Variants in EXOSC7 observed in about 807,000 individuals in gnomAD.
EXOSC7 encodes exosome component 7.
Under a neutral mutation model 34.3 loss-of-function variants are expected in EXOSC7, and 25 were observed. The observed-to-expected ratio is 0.73, with a 90% CI of 0.53 to 1.02. The LOEUF is 1.02. Among genes scored for constraint, EXOSC7 ranks in the 50% least tolerant of loss-of-function variants. The probability of loss-of-function intolerance (pLI) is 0.00; values close to 1 mark genes in which losing one functional copy is unlikely to be tolerated. For missense variants in EXOSC7, 370 were observed against 368.5 expected (o/e 1.00, Z -0.03); for synonymous variants, 130 against 143.0 (o/e 0.91, Z 0.65).
chr3:44,992,583 T>C (rs540273280), intron 3 of EXOSC7, among the ~76,000 whole-genome samples: 1 of 152,328 alleles, frequency 6.6e-6, no homozygotes, highest in Admixed American at 6.5e-5. Flanking sequence ...GTTCCAGAGA[T>C]GCCTGGCAGC....
chr3:44,976,317 A>C lies in EXOSC7; in HGVS notation c.40A>C (p.Ile14Leu), dbSNP rs778897360. 1.3e-6 allele frequency: 2 copies of C among 1,570,304 alleles called. No individual in the cohort carries two copies. The highest frequency in any genetic ancestry group is 8.6e-7 in the Non-Finnish European group (1 of 1,164,206). Residue 14 changes from isoleucine (I) to leucine (L), a missense_variant, in exon 1 of 8, where the codon ATC becomes CTC. Physicochemically the swap from Ile to Leu is conservative, Grantham distance 5. Coordinates refer to ENST00000265564, the MANE Select transcript of EXOSC7 (RefSeq NM_015004.4). ...GCTGAGCGAGGCGGAGAAGGTGTACATCGTGCATGGCGTCCAGGTAGCTAC... is the reference window on the plus strand; with the variant it reads ...GCTGAGCGAGGCGGAGAAGGTGTACCTCGTGCATGGCGTCCAGGTAGCTAC... ...VTLSEAEKVY[I>L]VHGVQEDLRV...
intron 3 of EXOSC7, among the ~76,000 whole-genome samples, chr3:44,990,329 G>T (rs552958225): frequency 4.6e-5 from 7 of 152,312 alleles, no homozygotes; most frequent in African/African-American, 1.4e-4. Flanking sequence ...ACTTCCAGTG[G>T]GCTTTCAATA....
At chr3:45,009,659 C>T (rs1209249018) in intron 7 of EXOSC7, among the ~76,000 whole-genome samples, 1 of 152,044 alleles carries the variant, frequency 6.6e-6, no homozygotes, top group East Asian at 1.9e-4. Context: ...AGTGATTCTG[C>T]CTCAGCTTCC....
chr3:44,997,335 C>G, intron 4 of EXOSC7, 83 bp downstream of exon 4: 2 of 1,326,722 alleles, frequency 1.5e-6, no homozygotes, highest in Non-Finnish European at 2.1e-6. Context: ...GTGCTTTTTT[C>G]CTCTTCAGGT....
At chr3:45,004,028 C>T (rs1354687628) in intron 5 of EXOSC7, 1 of 152,184 alleles carries the variant, frequency 6.6e-6, no homozygotes, top group African/African-American at 2.4e-5. Context: ...CCATCTGGTT[C>T]ATTTCCAGTT....
At chr3:44,999,723 T>G (rs1240873215) in intron 4 of EXOSC7, among the ~76,000 whole-genome samples, 4 of 152,192 alleles carry the variant, frequency 2.6e-5, no homozygotes, top group Admixed American at 6.5e-5. Context: ...TCAGAAAAGT[T>G]TTTAATGAAT....
intron 1 of EXOSC7, 66 bp downstream of exon 1, chr3:44,976,400 C>T: frequency 2.1e-6 from 3 of 1,416,886 alleles, no homozygotes; most frequent in South Asian, 2.7e-5. Flanking sequence ...CGCGGCCTGC[C>T]CTGGGTTTGC....
intron 1 of EXOSC7, among the ~76,000 whole-genome samples, chr3:44,987,082 A>G (rs1706440974): frequency 9.3e-6 from 1 of 107,038 alleles, no homozygotes; most frequent in African/African-American, 3.9e-5. Flanking sequence ...GCATATATAT[A>G]GTTAAGTGTT....
At chr3:44,983,452 C>A (rs1435281031) in intron 1 of EXOSC7, among the ~76,000 whole-genome samples, 2 of 152,162 alleles carry the variant, frequency 1.3e-5, no homozygotes, top group Non-Finnish European at 2.9e-5. Context: ...AGGCTTAGAG[C>A]TATTTAGGTC....
chr3:45,000,577 C>T (rs1431775502), intron 4 of EXOSC7, among the ~76,000 whole-genome samples: 4 of 152,208 alleles, frequency 2.6e-5, no homozygotes, highest in African/African-American at 9.7e-5. Flanking sequence ...TAAGTGCACT[C>T]AACACTTTCG....
intron 7 of EXOSC7, among the ~76,000 whole-genome samples, 177 bp from the exon 8 acceptor site, chr3:45,011,058 A>T (rs989200264): frequency 2.0e-5 from 3 of 152,130 alleles, no homozygotes; most frequent in African/African-American, 2.4e-5. Flanking sequence ...AAAATTTATT[A>T]TGTTGTTGGG....
chr3:44,994,122 C>T (rs895550883), intron 3 of EXOSC7, among the ~76,000 whole-genome samples: 1 of 152,058 alleles, frequency 6.6e-6, no homozygotes, highest in Non-Finnish European at 1.5e-5. Context: ...AATTACATAA[C>T]CTCTCTGTGA....
At chr3:45,005,837 T>G (rs910073885) in intron 6 of EXOSC7, among the ~76,000 whole-genome samples, 1 of 152,074 alleles carries the variant, frequency 6.6e-6, no homozygotes, top group African/African-American at 2.4e-5. Context: ...GGTTTTCACA[T>G]AGAGGGCTGT....
At chr3:45,004,410 C>T (rs1053220601) in intron 5 of EXOSC7, 3 of 152,102 alleles carry the variant, frequency 2.0e-5, no homozygotes, top group Non-Finnish European at 4.4e-5. Context: ...TGTGCACCAC[C>T]ACACCCAGCT....
chr3:45,010,259 G>T (rs960975879), intron 7 of EXOSC7, among the ~76,000 whole-genome samples: 1 of 152,122 alleles, frequency 6.6e-6, no homozygotes, highest in African/African-American at 2.4e-5. Context: ...GGTGGTGGTT[G>T]TTTTTTGAGA....
rs574454775 is a variant in EXOSC7, at chr3:45,006,478, G to A, written c.616-942G>A. Among the ~76,000 whole-genome samples the A allele has an allele frequency of 2.1e-4, 28 of 133,622 alleles. No homozygotes were observed. In the East Asian group the frequency reaches 7.2e-3, roughly 34 times the overall value. The allele number at this position is 133,622 out of a possible 152,430, so 87.7% of individuals were successfully genotyped here. A position where few individuals can be genotyped will look rare whatever the true frequency, so the allele number is the denominator to read the frequency against. ...AGGCCGGACTGCGGACTGCAGTGGTGCAATCTCGGCTCACTGTAAGCTCCG... is the reference window on the plus strand; with the variant it reads ...AGGCCGGACTGCGGACTGCAGTGGTACAATCTCGGCTCACTGTAAGCTCCG... On this transcript the variant is annotated intron_variant, in intron 6 of 7. Transcript: ENST00000265564.
intron 5 of EXOSC7, among the ~76,000 whole-genome samples, chr3:45,003,367 G>A (rs1706940834): frequency 6.6e-6 from 1 of 151,338 alleles, no homozygotes; most frequent in Admixed American, 6.6e-5. Flanking sequence ...GTGTGTATGT[G>A]TGTGTGTAAA....
chr3:44,978,939 G>A (rs1192373202), intron 1 of EXOSC7, among the ~76,000 whole-genome samples: 1 of 152,130 alleles, frequency 6.6e-6, no homozygotes, highest in African/African-American at 2.4e-5. Context: ...AATGGGTGAT[G>A]TAAGCTTTAA....
intron 6 of EXOSC7, 75 bp downstream of exon 6, chr3:45,005,489 C>A: frequency 6.8e-7 from 1 of 1,475,576 alleles, no homozygotes; most frequent in Non-Finnish European, 9.3e-7. Flanking sequence ...GCTGAGGTTA[C>A]TTAATAAGTT....
Sources: allele counts gnomAD v4.1 joint callset (sites outside exome capture counted in the v4.1 genomes callset), GRCh38; gene constraint gnomAD v4.1.1; transcripts MANE v1.5; gene names NCBI Gene and HGNC (gene_info 2026-07-23, HGNC 2026-07-21).